The following BCL7C variants were observed in gnomAD, a reference collection of about 807,000 sequenced individuals.
BCL7C encodes the protein BAF chromatin remodeling complex subunit BCL7C, also known as B-cell CLL/lymphoma 7 protein family member C.
A neutral mutation model predicts 26.2 loss-of-function variants in BCL7C; 8 were observed. The ratio of observed to expected loss-of-function variants is 0.30; its 90% CI spans 0.18 to 0.55. The LOEUF (loss-of-function observed/expected upper bound fraction) is 0.55. BCL7C is among the 20% of genes least tolerant of loss of function. BCL7C has a pLI of 0.93. For missense variants in BCL7C, 262 were observed against 298.5 expected (o/e 0.88, Z 0.90); for synonymous variants, 90 against 116.5 (o/e 0.77, Z 1.47).
intron 5 of BCL7C, among the ~76,000 whole-genome samples, chr16:30,857,472 G>A (rs1425528814): frequency 6.6e-6 from 1 of 151,872 alleles, no homozygotes; most frequent in Non-Finnish European, 1.5e-5. Flanking sequence ...ACACTTCTCT[G>A]GAAACAGAGC....
chr16:30,856,079 AAG>A (rs1224076884), intron 5 of BCL7C, among the ~76,000 whole-genome samples: 5 of 151,068 alleles, frequency 3.3e-5, no homozygotes, highest in Admixed American at 3.3e-4. Flanking sequence ...AAAAAAAAAA[AAG>A]AAGAAAGTTA....
At chr16:30,838,749 C>T (rs1295324188) in intron 5 of BCL7C, among the ~76,000 whole-genome samples, 1 of 152,262 alleles carries the variant, frequency 6.6e-6, no homozygotes, top group Non-Finnish European at 1.5e-5. Context: ...CACGCCACTG[C>T]ACTCCAGCCT....
chr16:30,834,447 T>G lies in BCL7C; in HGVS notation c.*501A>C, dbSNP rs962915805. 1 of 153,282 alleles carries G rather than the reference T, an allele frequency of 6.5e-6. No individual in the cohort carries two copies. Among genetic ancestry groups the G allele is most frequent in the African/African-American group, 2.4e-5 (1 of 41,464 alleles). 9.5% of individuals were successfully genotyped at this position (153,282 alleles called of 1,614,324 possible). A position where few individuals can be genotyped will look rare whatever the true frequency, so the allele number is the denominator to read the frequency against. ...ACGGGCCTCAACATATGCATGGACGTCCAGGTGCCACGTGGGCATCTCGTG... is the reference window on the plus strand; with the variant it reads ...ACGGGCCTCAACATATGCATGGACGGCCAGGTGCCACGTGGGCATCTCGTG... On this transcript the variant is annotated 3_prime_UTR_variant, in exon 6 of 6. Transcript: ENST00000380317. The surrounding 1 kb of genome is among the most constrained non-coding windows in gnomAD (Gnocchi z 4.3).
intron 5 of BCL7C, among the ~76,000 whole-genome samples, chr16:30,838,379 G>T (rs115141423): frequency 6.6e-6 from 1 of 152,238 alleles, no homozygotes; most frequent in Non-Finnish European, 1.5e-5. Context: ...TAGGTAGATA[G>T]ATAGATAGAG....
chr16:30,839,338 G>A (rs1340150755), intron 5 of BCL7C, among the ~76,000 whole-genome samples: 1 of 152,216 alleles, frequency 6.6e-6, no homozygotes, highest in Admixed American at 6.6e-5. Context: ...CTGGGGCAAA[G>A]AGTGGGATTC....
chr16:30,833,626 C>A (rs2054554213), exon 6 of BCL7C: 1 of 152,044 alleles, frequency 6.6e-6, no homozygotes, highest in Non-Finnish European at 1.5e-5. Flanking sequence ...GGAGCTGGTC[C>A]TGGAATGGAG....
intron 5 of BCL7C, among the ~76,000 whole-genome samples, chr16:30,870,501 C>A (rs1183612229): frequency 6.6e-6 from 1 of 150,844 alleles, no homozygotes; most frequent in African/African-American, 2.4e-5. Flanking sequence ...CCCGTCTTTA[C>A]AAAAAAAATA....
intron 5 of BCL7C, among the ~76,000 whole-genome samples, chr16:30,842,714 G>A (rs1050928506): frequency 4.6e-5 from 7 of 152,020 alleles, no homozygotes; most frequent in Non-Finnish European, 1.0e-4. Flanking sequence ...GACCACTGGC[G>A]CCCGCCACCG....
chr16:30,856,315 C>T (rs1287914011), intron 5 of BCL7C, among the ~76,000 whole-genome samples: 1 of 151,554 alleles, frequency 6.6e-6, no homozygotes, highest in Non-Finnish European at 1.5e-5. Context: ...GTGGCGGGCA[C>T]CTGTAGTCCC....
chr16:30,887,663 C>G (rs2055155155), downstream of BCL7C: 5 of 819,818 alleles, frequency 6.1e-6, no homozygotes, highest in East Asian at 1.2e-4. Context: ...CCCCACCCCA[C>G]TCTGCCTTGT....
chr16:30,836,577 C>A (rs752986345), intron 5 of BCL7C, among the ~76,000 whole-genome samples: 4 of 150,976 alleles, frequency 2.6e-5, no homozygotes, highest in Non-Finnish European at 5.9e-5. Context: ...ACATCTCAAG[C>A]GATCCTCCCA....
intron 5 of BCL7C, among the ~76,000 whole-genome samples, chr16:30,838,461 G>A (rs1567306539): frequency 1.3e-5 from 2 of 152,188 alleles, no homozygotes. Context: ...CTCCTTGGAG[G>A]ATTTTGGATA....
chr16:30,847,171 G>A (rs1364633321), intron 5 of BCL7C, among the ~76,000 whole-genome samples: 3 of 152,178 alleles, frequency 2.0e-5, no homozygotes, highest in Non-Finnish European at 4.4e-5. Flanking sequence ...ATTTAATTGT[G>A]TGGTTTGCTG....
chr16:30,893,075 G>T lies in BCL7C; in HGVS notation c.172-127C>A. The T allele has an allele frequency of 8.2e-7, 1 of 1,220,582 alleles. No homozygotes were observed. The highest frequency in any genetic ancestry group is 1.4e-5 in the South Asian group (1 of 71,664). 75.6% of individuals were successfully genotyped at this position (1,220,582 alleles called of 1,614,324 possible). ...TGGAGCAGAAAAGAGGGCAAAAGGG[G>T]AGGAGCTGCTAATGATGGTTCCCGT... On this transcript the variant is annotated intron_variant, in intron 2 of 5. Coordinates refer to ENST00000215115, the MANE Select transcript of BCL7C (RefSeq NM_004765.4). This position sits in a 1 kb window ranked among gnomAD's most constrained non-coding sequence, Gnocchi z 5.2.
intron 5 of BCL7C, among the ~76,000 whole-genome samples, chr16:30,867,913 CTCTGGAA>C (rs2054843189): frequency 1.3e-5 from 2 of 152,082 alleles, no homozygotes; most frequent in African/African-American, 4.8e-5. Flanking sequence ...AGGGAGGGGC[CTCTGGAA>C]GCTGGAAGAG....
chr16:30,879,989 CA>C (rs140370364), intron 5 of BCL7C, among the ~76,000 whole-genome samples: 34,774 of 139,524 alleles, frequency 0.25, 4,705 homozygotes, highest in South Asian at 0.68. Context: ...GATTCCGTCT[CA>C]AAAAAAAAAA....
intron 5 of BCL7C, among the ~76,000 whole-genome samples, chr16:30,842,672 C>A (rs899557304): frequency 2.6e-5 from 4 of 152,134 alleles, no homozygotes; most frequent in African/African-American, 9.7e-5. Flanking sequence ...GGGTTCATGC[C>A]ATTCTCCTGC....
At chr16:30,854,173 G>T (rs888434589) in intron 5 of BCL7C, among the ~76,000 whole-genome samples, 1 of 152,206 alleles carries the variant, frequency 6.6e-6, no homozygotes, top group Non-Finnish European at 1.5e-5. Flanking sequence ...CAAAGAGGTG[G>T]TGTTTGGAGG....
At chr16:30,889,209 T>C in intron 4 of BCL7C, among the ~76,000 whole-genome samples, 1 of 152,188 alleles carries the variant, frequency 6.6e-6, no homozygotes, top group East Asian at 1.9e-4. Flanking sequence ...ATTCTGGGCT[T>C]GGACTGCCTG....
Sources: gnomAD v4.1 joint callset for allele counts (sites outside exome capture counted in the v4.1 genomes callset) on GRCh38, gnomAD v4.1.1 for gene constraint, Gnocchi (gnomAD v3.1) non-coding constraint, MANE v1.5 for transcripts, NCBI Gene and HGNC (gene_info 2026-07-23, HGNC 2026-07-21) for gene names.